The following TARS3 variants were observed in gnomAD, a reference collection of about 807,000 sequenced individuals.
TARS3 encodes the protein threonine--tRNA ligase 2, cytoplasmic.
A neutral mutation model predicts 103.5 loss-of-function variants in TARS3; 94 were observed. The ratio of observed to expected loss-of-function variants is 0.91; its 90% CI spans 0.77 to 1.08. The LOEUF is 1.08. TARS3 is among the 50% of genes least tolerant of loss of function. The probability of loss-of-function intolerance (pLI) is 0.00; values close to 1 mark genes in which losing one functional copy is unlikely to be tolerated. For missense variants in TARS3, 952 were observed against 995.2 expected, an observed-to-expected ratio of 0.96 and a Z score of 0.58; for synonymous variants, 416 against 355.4, an observed-to-expected ratio of 1.17 and a Z score of -1.92.
chr15:101,683,124 C>G (rs1898320814), intron 12 of TARS3, among the ~76,000 whole-genome samples: 1 of 151,992 alleles, frequency 6.6e-6, no homozygotes. Flanking sequence ...CTGCTCTGCT[C>G]TTTCTTATTT....
rs1897852378 is a variant in TARS3 at position 101,672,564 on chromosome 15, G to A, written c.1789-816C>T. On this transcript the variant is annotated intron_variant, in intron 13 of 18. Coordinates refer to ENST00000335968, the MANE Select transcript of TARS3 (RefSeq NM_152334.3). ...ATGGGGAAATCAGAGCCGTGGCAGA[G>A]TCTTAGGGCCGAAGCTGCCATCATC... Among the ~76,000 whole-genome samples, 10 of 152,118 alleles carry A rather than the reference G, an allele frequency of 6.6e-5. No individual in the cohort carries two copies. In the South Asian group the frequency reaches 2.1e-3, roughly 32 times the overall value.
intron 3 of TARS3, among the ~76,000 whole-genome samples, chr15:101,718,805 T>C (rs1900299850): frequency 6.6e-6 from 1 of 152,224 alleles, no homozygotes; most frequent in South Asian, 2.1e-4. Context: ...TGGAACGGAT[T>C]AGCTGCAAAC....
In TARS3 at chr15:101,701,132, A is replaced by G; in HGVS notation, c.1274T>C (p.Leu425Pro). ...HDLSPGSCFF[L>P]PRGAFIYNTL... The stretch of plus-strand genomic sequence containing the variant: ...ATTATAAATGAAGGCTCCTCTGGGA[A>G]GGAAAAAACAGCTTCCAGGACTCAA... Residue 425 changes from leucine to proline, a missense_variant, in exon 10 of 19, where the codon CTT becomes CCT. Transcript: ENST00000335968. 1 of 1,598,944 alleles carries G rather than the reference A, an allele frequency of 6.3e-7. No homozygotes were observed. Among genetic ancestry groups the G allele is most frequent in the South Asian group, 1.2e-5 (1 of 86,708 alleles).
intron 12 of TARS3, among the ~76,000 whole-genome samples, chr15:101,678,245 TG>T (rs1342407393): frequency 6.6e-6 from 1 of 152,180 alleles, no homozygotes; most frequent in African/African-American, 2.4e-5. Context: ...CCCAAAGTGC[TG>T]GAATTACAGG....
rs746346185 is a variant in TARS3, at chr15:101,702,284, C to T, written c.1176G>A (p.Lys392=). Residue 392 remains lysine (K), a synonymous_variant, in exon 9 of 19, where the codon AAG becomes AAA. Coordinates refer to ENST00000335968, the MANE Select transcript of TARS3 (RefSeq NM_152334.3). ...PDNKMMRDWE[K]FQEEAKNRDH... is the part of the protein sequence containing the mutation. Reference sequence around the variant, plus strand: ...CTCGGTTCTTTGCTTCCTCTTGGAACTTTTCCCAGTCTCTCATCATCTTGT... The same window carrying T: ...CTCGGTTCTTTGCTTCCTCTTGGAATTTTTCCCAGTCTCTCATCATCTTGT... The T allele has an allele frequency of 6.2e-7, 1 of 1,614,166 alleles. No homozygotes were observed. The highest frequency in any genetic ancestry group is 1.1e-5 in the South Asian group (1 of 91,082).
chr15:101,673,288 T>C (rs1897886570), intron 13 of TARS3, among the ~76,000 whole-genome samples: 1 of 152,150 alleles, frequency 6.6e-6, no homozygotes, highest in African/African-American at 2.4e-5. Flanking sequence ...ATTCTCCCCA[T>C]GCCAGGTCTA....
At chr15:101,691,558 G>C (rs1372703718) in intron 10 of TARS3, among the ~76,000 whole-genome samples, 1 of 152,170 alleles carries the variant, frequency 6.6e-6, no homozygotes, top group Non-Finnish European at 1.5e-5. Context: ...GGGATTACAA[G>C]AGTGAGTCAC....
At chr15:101,662,976 A>C (rs1446390893) in intron 15 of TARS3, among the ~76,000 whole-genome samples, 1 of 152,266 alleles carries the variant, frequency 6.6e-6, no homozygotes, top group Non-Finnish European at 1.5e-5. Flanking sequence ...ATTAATAGAT[A>C]AATTTGAAGA....
chr15:101,659,959 G>A (rs764646337), intron 16 of TARS3, among the ~76,000 whole-genome samples: 5 of 152,118 alleles, frequency 3.3e-5, no homozygotes, highest in Non-Finnish European at 5.9e-5. Context: ...CCCCAGTCTC[G>A]CTGGACATGA....
intron 15 of TARS3, among the ~76,000 whole-genome samples, chr15:101,663,997 CT>C (rs945704247): frequency 2.0e-5 from 3 of 152,180 alleles, no homozygotes; most frequent in African/African-American, 7.2e-5. Flanking sequence ...TCCACCCCTG[CT>C]TTTTTAGGGA....
intron 8 of TARS3, 87 bp downstream of exon 8, chr15:101,703,772 A>G (rs1488960406): frequency 1.8e-5 from 14 of 793,892 alleles, no homozygotes; most frequent in Non-Finnish European, 2.8e-5. Context: ...CAGACTACAA[A>G]AGATATGATT....
chr15:101,724,196 C>T lies in TARS3; in HGVS notation c.192G>A (p.Leu64=), dbSNP rs1333554928. ...GCCGCAGGCTGCACAGGCGGTGGCG[C>T]AGGTCGCAGTTCTCGGCCCGGAGCT... ...VAQLRAENCD[L]RHRLCSLRLC... Residue 64 remains leucine, a synonymous_variant, in exon 1 of 19, where the codon CTG becomes CTA. Transcript: ENST00000335968. 3 of 1,522,732 alleles carry T rather than the reference C, an allele frequency of 2.0e-6. No individual in the cohort carries two copies. Among genetic ancestry groups the T allele is most frequent in the Non-Finnish European group, 2.6e-6 (3 of 1,141,272 alleles). 94.3% of individuals were successfully genotyped at this position (1,522,732 alleles called of 1,614,324 possible).
chr15:101,671,334 G>A lies in TARS3; in HGVS notation c.1967+152C>T, dbSNP rs1242418626. ...TAGACCAGAAAATTCAAGTTGATTC[G>A]CAACTGGATTATGATCAGGTAAACA... On this transcript the variant is annotated intron_variant, in intron 15 of 18. Coordinates refer to ENST00000335968, the MANE Select transcript of TARS3 (RefSeq NM_152334.3). The A allele has an allele frequency of 3.5e-5, 20 of 569,800 alleles. No homozygotes were observed. The South Asian group carries it at 6.4e-4, about 18-fold the overall frequency. The allele number at this position is 569,800 out of a possible 1,614,324, so 35.3% of individuals were successfully genotyped here.
intron 10 of TARS3, chr15:101,699,274 G>A (rs1162402480): frequency 2.8e-6 from 1 of 354,184 alleles, no homozygotes; most frequent in African/African-American, 2.2e-5. Flanking sequence ...TGTCGCCTGT[G>A]TCTGTCAAAT....
In TARS3 at chr15:101,724,174, G is replaced by A; in HGVS notation, c.214C>T (p.Arg72Trp). ...CDLRHRLCSL[R>W]LCLAEERSRQ... ...CTCCGCTCCTCGGCGAGGCACAGCC[G>A]CAGGCTGCACAGGCGGTGGCGCAGG... Residue 72 changes from arginine (R) to tryptophan (W), a missense_variant, in exon 1 of 19, where the codon CGG becomes TGG. Coordinates refer to ENST00000335968, the MANE Select transcript of TARS3 (RefSeq NM_152334.3). The A allele has an allele frequency of 4.0e-6, 6 of 1,502,884 alleles. No individual in the cohort carries two copies. Among genetic ancestry groups the A allele is most frequent in the African/African-American group, 1.4e-5 (1 of 69,324 alleles). 93.1% of individuals were successfully genotyped at this position (1,502,884 alleles called of 1,614,324 possible).
rs1897122893 is a variant in TARS3 at position 101,654,429 on chromosome 15, T to C, written c.*153A>G. On this transcript the variant is annotated 3_prime_UTR_variant, in exon 19 of 19. Coordinates refer to ENST00000335968, the MANE Select transcript of TARS3 (RefSeq NM_152334.3). ...ACATGAGTAAATTAAACTTCGTGCA[T>C]GTCAGCTACACGTTCATCGTCTCCT... The C allele has an allele frequency of 2.6e-6, 2 of 767,282 alleles. No homozygotes were observed. The highest frequency in any genetic ancestry group is 2.3e-5 in the South Asian group (1 of 43,312). The allele number at this position is 767,282 out of a possible 1,614,324, so 47.5% of individuals were successfully genotyped here. A position where few individuals can be genotyped will look rare whatever the true frequency, so the allele number is the denominator to read the frequency against.
At chr15:101,696,587 G>A (rs1218978126) in intron 10 of TARS3, among the ~76,000 whole-genome samples, 1 of 152,124 alleles carries the variant, frequency 6.6e-6, no homozygotes, top group East Asian at 1.9e-4. Flanking sequence ...TTTTGCACTG[G>A]ATGTAGGTAC....
At chr15:101,696,275 A>C (rs1280991549) in intron 10 of TARS3, among the ~76,000 whole-genome samples, 2 of 151,678 alleles carry the variant, frequency 1.3e-5, no homozygotes, top group Non-Finnish European at 2.9e-5. Context: ...AGGAAATGCC[A>C]AACTGCTACA....
intron 13 of TARS3, among the ~76,000 whole-genome samples, chr15:101,673,974 T>G (rs1431585039): frequency 6.6e-6 from 1 of 152,234 alleles, no homozygotes; most frequent in Non-Finnish European, 1.5e-5. Context: ...GTTTCATTTT[T>G]CTCAGTTTCA....
Sources: gnomAD v4.1 joint callset for allele counts (sites outside exome capture counted in the v4.1 genomes callset) on GRCh38, gnomAD v4.1.1 for gene constraint, MANE v1.5 for transcripts, NCBI Gene and HGNC (gene_info 2026-07-23, HGNC 2026-07-21) for gene names.